Variants in ZG16 observed in about 807,000 individuals in gnomAD.
ZG16 encodes zymogen granule protein 16, also known as zymogen granule membrane protein 16.
ZG16 carries 9 observed loss-of-function variants against 15.6 expected under a neutral mutation model. The ratio of observed to expected loss-of-function variants is 0.58; its 90% CI spans 0.35 to 1.00. The LOEUF (loss-of-function observed/expected upper bound fraction) is 1.00. Ranked by LOEUF, ZG16 falls within the 50% of genes least tolerant of loss-of-function variation. ZG16 has a pLI of 0.02. For missense variants in ZG16, 174 were observed against 214.8 expected (o/e 0.81, Z 1.19); for synonymous variants, 89 against 87.4 (o/e 1.02, Z -0.10).
Position 29,780,495 on chromosome 16 carries a change from A to C in ZG16, c.*76A>C. 11 of 1,204,258 alleles carry C rather than the reference A, an allele frequency of 9.1e-6. No individual in the cohort carries two copies. Among genetic ancestry groups the C allele is most frequent in the Non-Finnish European group, 1.2e-5 (11 of 930,978 alleles). The allele number at this position is 1,204,258 out of a possible 1,614,324, so 74.6% of individuals were successfully genotyped here. ...TCACTAACCCCCATCCAAATGGCTC[A>C]ATAAAAAAAATATGGTTAAGGCTAG... On this transcript the variant is annotated 3_prime_UTR_variant, in exon 4 of 4. Transcript: ENST00000400752.
rs1898592708 is a variant in ZG16 at position 29,779,288 on chromosome 16, G to A, written c.22G>A (p.Ala8Thr). The A allele has an allele frequency of 6.5e-7, 1 of 1,537,768 alleles. No homozygotes were observed. Among genetic ancestry groups the A allele is most frequent in the Non-Finnish European group, 8.7e-7 (1 of 1,147,036 alleles). ...CAGAATGTTGACAGTCGCTCTCCTA[G>A]CCCTTCTCTGTGCCTCAGCCTCTGG... MLTVALL[A>T]LLCASASGNA... is the part of the protein sequence containing the mutation. The change falls in exon 2 of 4, where the codon GCC becomes ACC. Residue 8 changes from alanine (A) to threonine (T), a missense_variant. Transcript: ENST00000400752.
chr16:29,779,496 C>T lies in ZG16; in HGVS notation c.56-9C>T, dbSNP rs1429976485. ...GATTTCTCCCTCCAACTCCTGCTTG[C>T]CCCTCCAGTTCAGGCCAGGTCTTCC... is the stretch of plus-strand genomic sequence containing the variant. On this transcript the variant is annotated splice_polypyrimidine_tract_variant and intron_variant, in intron 2 of 3. Coordinates refer to ENST00000400752, the MANE Select transcript of ZG16 (RefSeq NM_152338.4). 2.0e-6 allele frequency: 3 copies of T among 1,536,498 alleles called. No individual in the cohort carries two copies. Among genetic ancestry groups the T allele is most frequent in the South Asian group, 1.2e-5 (1 of 84,040 alleles).
rs1898597844 is a variant in ZG16 at position 29,779,526 on chromosome 16, A to G, written c.77A>G (p.Tyr26Cys). Residue 26 changes from tyrosine to cysteine, a missense_variant, in exon 3 of 4, where the codon TAT becomes TGT. Coordinates refer to ENST00000400752, the MANE Select transcript of ZG16 (RefSeq NM_152338.4). ...CCAGTTCAGGCCAGGTCTTCCTCCT[A>G]TAGTGGAGAGTATGGAGGTGGTGGT... ...GNAIQARSSS[Y>C]SGEYGGGGGK... 3.9e-6 allele frequency: 6 copies of G among 1,537,190 alleles called. No homozygotes were observed. The highest frequency in any genetic ancestry group is 3.9e-5 in the Admixed American group (2 of 50,964).
Position 29,780,327 on chromosome 16 carries a change from G to A in ZG16, c.412G>A (p.Val138Met), listed in dbSNP as rs1402935767. The part of the protein sequence containing the change: ...FNAVPLHPNT[V>M]LRFISGRSGS... ...TGCCGTCCCCTTGCACCCCAACACC[G>A]TGCTCCGCTTCATCAGTGGCCGGTC... Residue 138 changes from valine to methionine, a missense_variant, in exon 4 of 4, where the codon GTG becomes ATG. By Grantham distance (21) the Val-to-Met change is conservative (BLOSUM62 1). Coordinates refer to ENST00000400752, the MANE Select transcript of ZG16 (RefSeq NM_152338.4). 1.4e-5 allele frequency: 22 copies of A among 1,537,174 alleles called. No homozygotes were observed. Among genetic ancestry groups the A allele is most frequent in the East Asian group, 2.4e-5 (1 of 40,932 alleles).
chr16:29,779,213 A>G (rs997539778), intron 1 of ZG16, 47 bp from the exon 2 acceptor site: 10 of 1,532,398 alleles, frequency 6.5e-6, no homozygotes, highest in South Asian at 6.0e-5. Flanking sequence ...AATCAAGTCA[A>G]CAAGGAAGAA....
chr16:29,779,960 A>G, intron 3 of ZG16, 144 bp from the exon 4 acceptor site: 1 of 783,222 alleles, frequency 1.3e-6, no homozygotes, highest in Non-Finnish European at 2.0e-6. Flanking sequence ...TGGGTGACAG[A>G]GTCTCTTTGT....
In ZG16 at chr16:29,782,388, C is replaced by T. The variant is rs1238509468; in HGVS notation, c.*1969C>T. ...AGGCCAGCCCGGGCAACATAGCAAC[C>T]TGTTTGTAGGCAAAATGAGGAGTTG... On this transcript the variant is annotated 3_prime_UTR_variant, in exon 4 of 4. Transcript: ENST00000400752. 2.0e-5 allele frequency: 3 copies of T among 152,324 alleles called. No homozygotes were observed. In the East Asian group the frequency reaches 5.8e-4, roughly 29 times the overall value. The allele number at this position is 152,324 out of a possible 1,614,324, so 9.4% of individuals were successfully genotyped here.
Position 29,780,309 on chromosome 16 carries a change from C to T in ZG16, c.394C>T (p.Pro132Ser). Residue 132 changes from proline to serine, a missense_variant, in exon 4 of 4, where the codon CCC (proline) becomes TCC (serine). Coordinates refer to ENST00000400752, the MANE Select transcript of ZG16 (RefSeq NM_152338.4). Reference sequence around the variant, plus strand: ...CAGTGGCACAAGTTTCAATGCCGTCCCCTTGCACCCCAACACCGTGCTCCG... The same window carrying T: ...CAGTGGCACAAGTTTCAATGCCGTCTCCTTGCACCCCAACACCGTGCTCCG... The part of the protein sequence containing the change: ...KDSGTSFNAV[P>S]LHPNTVLRFI... The T allele has an allele frequency of 6.5e-7, 1 of 1,537,358 alleles. No homozygotes were observed. The highest frequency in any genetic ancestry group is 8.7e-7 in the Non-Finnish European group (1 of 1,146,948).
intron 3 of ZG16, 84 bp downstream of exon 3, chr16:29,779,721 AG>A: frequency 1.4e-6 from 2 of 1,474,820 alleles, no homozygotes; most frequent in East Asian, 5.0e-5. Context: ...AGATCGCTTG[AG>A]GCCAGGAGTT....
At position 29,782,929 on chromosome 16, in the gene ZG16, C is replaced by T. The variant is rs1202668033; in HGVS notation, c.*2510C>T. 6.6e-6 allele frequency: 1 copy of T among 152,192 alleles called. No individual in the cohort carries two copies. Among genetic ancestry groups the T allele is most frequent in the Non-Finnish European group, 1.5e-5 (1 of 68,030 alleles). 9.4% of individuals were successfully genotyped at this position (152,192 alleles called of 1,614,324 possible). ...CACTAAACATAAATTGTGAAGATTT[C>T]ATGAACATTTATCAGTTCCCAAATA... On this transcript the variant is annotated 3_prime_UTR_variant, in exon 4 of 4. Coordinates refer to ENST00000400752, the MANE Select transcript of ZG16 (RefSeq NM_152338.4).
In ZG16 at chr16:29,779,510, G is replaced by A. The variant is rs1176378771; in HGVS notation, c.61G>A (p.Ala21Thr). Residue 21 changes from alanine (A) to threonine (T), a missense_variant, in exon 3 of 4, where the codon GCC becomes ACC. By Grantham distance (58) the Ala-to-Thr change is moderately conservative. Transcript: ENST00000400752. ...CASASGNAIQ[A>T]RSSSYSGEYG... ...ACTCCTGCTTGCCCCTCCAGTTCAG[G>A]CCAGGTCTTCCTCCTATAGTGGAGA... 2 of 1,537,022 alleles carry A rather than the reference G, an allele frequency of 1.3e-6. No individual in the cohort carries two copies. The highest frequency in any genetic ancestry group is 1.7e-4 in the Middle Eastern group (1 of 6,008).
intron 1 of ZG16, 42 bp from the exon 2 acceptor site, chr16:29,779,218 G>C: frequency 6.5e-7 from 1 of 1,533,938 alleles, no homozygotes; most frequent in Non-Finnish European, 8.7e-7. Flanking sequence ...AGTCAACAAG[G>C]AAGAAGGTGA....
rs751423560 is a variant in ZG16, at chr16:29,780,084, C to G, written c.189-20C>G. ...CTATCATCACCTTTCTTTCTCCTTC[C>G]TTCCTCCCCTCTTCCTCAGTCTTCA... On this transcript the variant is annotated intron_variant, in intron 3 of 3. Coordinates refer to ENST00000400752, the MANE Select transcript of ZG16 (RefSeq NM_152338.4). 6 of 1,524,394 alleles carry G rather than the reference C, an allele frequency of 3.9e-6. No individual in the cohort carries two copies. Among genetic ancestry groups the G allele is most frequent in the Non-Finnish European group, 5.3e-6 (6 of 1,139,102 alleles). The allele number at this position is 1,524,394 out of a possible 1,614,324, so 94.4% of individuals were successfully genotyped here. A position where few individuals can be genotyped will look rare whatever the true frequency, so the allele number is the denominator to read the frequency against.
Position 29,781,640 on chromosome 16 carries a change from G to A in ZG16, c.*1221G>A, listed in dbSNP as rs1898625983. 6.6e-6 allele frequency: 1 copy of A among 152,068 alleles called. No individual in the cohort carries two copies. The highest frequency in any genetic ancestry group is 2.4e-5 in the African/African-American group (1 of 41,368). 9.4% of individuals were successfully genotyped at this position (152,068 alleles called of 1,614,324 possible). A position where few individuals can be genotyped will look rare whatever the true frequency, so the allele number is the denominator to read the frequency against. ...AAAAATACAAAAATTAGCCAGGTGT[G>A]GTGGCAGTCACCTGTAATCCCAGCT... On this transcript the variant is annotated 3_prime_UTR_variant, in exon 4 of 4. Transcript: ENST00000400752.
chr16:29,779,359 G>T, intron 2 of ZG16, 38 bp downstream of exon 2: 1 of 1,536,542 alleles, frequency 6.5e-7, no homozygotes, highest in African/African-American at 1.4e-5. Flanking sequence ...TGGGGACTTG[G>T]GAAGGCAGCC....
Position 29,780,266 on chromosome 16 carries a change from T to A in ZG16, c.351T>A (p.Tyr117Ter). 1 of 1,537,508 alleles carries A rather than the reference T, an allele frequency of 6.5e-7. No individual in the cohort carries two copies. Among genetic ancestry groups the A allele is most frequent in the South Asian group, 1.2e-5 (1 of 84,064 alleles). ...TATTTGTGACAGACAAGGGCCGCTA[T>A]CTGTCTTTTGGGAAAGACAGTGGCA... The part of the protein sequence containing the change: ...KLVFVTDKGR[Y>*]LSFGKDSGTS... Residue 117 changes from tyrosine (Y) to a stop codon, truncating the protein, a stop_gained, in exon 4 of 4, where the codon TAT becomes TAA. Transcript: ENST00000400752. LOFTEE classifies it high-confidence loss of function.
At position 29,780,597 on chromosome 16, in the gene ZG16, G is replaced by C. The variant is rs941012166; in HGVS notation, c.*178G>C. The C allele has an allele frequency of 3.3e-6, 2 of 603,354 alleles. No homozygotes were observed. The highest frequency in any genetic ancestry group is 3.7e-5 in the African/African-American group (2 of 54,008). 37.4% of individuals were successfully genotyped at this position (603,354 alleles called of 1,614,324 possible). On this transcript the variant is annotated 3_prime_UTR_variant, in exon 4 of 4. Transcript: ENST00000400752. Reference sequence around the variant, plus strand: ...GACGTGCAAATCTCACTTCTGGCTGGCTTTGGACATCTGTCTGGAAGATGG... The same window carrying C: ...GACGTGCAAATCTCACTTCTGGCTGCCTTTGGACATCTGTCTGGAAGATGG...
Position 29,780,651 on chromosome 16 carries a change from C to G in ZG16, c.*232C>G. ...GATGAGGGAGAGGTATGTAAGAATC[C>G]TGGGCTTTGTGCTATAATTTATCAA... is the stretch of plus-strand genomic sequence containing the variant. On this transcript the variant is annotated 3_prime_UTR_variant, in exon 4 of 4. Coordinates refer to ENST00000400752, the MANE Select transcript of ZG16 (RefSeq NM_152338.4). The G allele has an allele frequency of 1.9e-6, 1 of 520,432 alleles. No individual in the cohort carries two copies. The allele number at this position is 520,432 out of a possible 1,614,324, so 32.2% of individuals were successfully genotyped here.
In ZG16 at chr16:29,781,404, G is replaced by A. The variant is rs1015713766; in HGVS notation, c.*985G>A. 2.0e-5 allele frequency: 3 copies of A among 152,330 alleles called. No homozygotes were observed. The East Asian group carries it at 5.8e-4, about 29-fold the overall frequency. 9.4% of individuals were successfully genotyped at this position (152,330 alleles called of 1,614,324 possible). ...TGAGGTCTCAAAAGAGATAGAAGAG[G>A]ATGGTTATGTAGTTGGGGAAAGAAA... On this transcript the variant is annotated 3_prime_UTR_variant, in exon 4 of 4. Transcript: ENST00000400752.
Sources: gnomAD v4.1 joint callset for allele counts on GRCh38, gnomAD v4.1.1 for gene constraint, MANE v1.5 for transcripts, NCBI Gene and HGNC (gene_info 2026-07-23, HGNC 2026-07-21) for gene names.